Variants in CNTN5 observed in about 807,000 individuals in gnomAD.
CNTN5 encodes contactin 5, also known as contactin-5.
In CNTN5, 77 loss-of-function variants were observed where a neutral mutation model predicts 129.1. The ratio of observed to expected loss-of-function variants is 0.60; its 90% CI spans 0.50 to 0.72. The LOEUF (loss-of-function observed/expected upper bound fraction) is 0.72. Ranked by LOEUF, CNTN5 falls within the 30% of genes least tolerant of loss-of-function variation. The probability of loss-of-function intolerance (pLI) is 0.00; values close to 1 mark genes in which losing one functional copy is unlikely to be tolerated. For missense variants in CNTN5, 1,478 were observed against 1,328.8 expected (o/e 1.11, Z -1.75); for synonymous variants, 509 against 465.6 (o/e 1.09, Z -1.20).
At chr11:100,305,697 C>G (rs1951332790) in intron 20 of CNTN5, among the ~76,000 whole-genome samples, 1 of 151,568 alleles carries the variant, frequency 6.6e-6, no homozygotes, top group Non-Finnish European at 1.5e-5. Context: ...CTACTTGTGT[C>G]TGCAGACCAA....
chr11:99,666,199 C>T (rs1431968297), intron 3 of CNTN5, among the ~76,000 whole-genome samples: 1 of 152,120 alleles, frequency 6.6e-6, no homozygotes, highest in Non-Finnish European at 1.5e-5. Context: ...AACTCCTGAC[C>T]TCAGGTGATC....
chr11:99,614,432 A>C (rs1950694808), intron 3 of CNTN5, among the ~76,000 whole-genome samples: 1 of 152,118 alleles, frequency 6.6e-6, no homozygotes, highest in South Asian at 2.1e-4. Flanking sequence ...GGGAGCCACA[A>C]ATAGCTGACT....
At chr11:99,213,457 CATATATACGTGTGTATATATACACACAT>C (rs1859944143) in intron 1 of CNTN5, among the ~76,000 whole-genome samples, 1 of 138,138 alleles carries the variant, frequency 7.2e-6, no homozygotes, top group Non-Finnish European at 1.5e-5. Context: ...TATGTATATA[CATATATACGTGTGTATATATACACACAT>C]ATATATATAT....
At chr11:99,613,467 A>C (rs1950657107) in intron 3 of CNTN5, among the ~76,000 whole-genome samples, 2 of 152,084 alleles carry the variant, frequency 1.3e-5, no homozygotes, top group Non-Finnish European at 2.9e-5. Context: ...TTTATAAATT[A>C]CCCAGTCTTG....
Position 99,401,434 on chromosome 11 carries a change from T to C in CNTN5, c.-71+75950T>C, listed in dbSNP as rs1604909. Among the ~76,000 whole-genome samples the C allele has an allele frequency of 6.7e-3, 1,018 of 152,314 alleles. 8 individuals carry two copies. The highest frequency in any genetic ancestry group is 0.011 in the Non-Finnish European group (723 of 68,018). On this transcript the variant is annotated intron_variant, in intron 2 of 24. Coordinates refer to ENST00000524871, the MANE Select transcript of CNTN5 (RefSeq NM_014361.4). ...TGGGTTCTCTATTCTGTTCCATTGA[T>C]GTATGTGTCTGTTTTATGCCAGTAC...
intron 1 of CNTN5, among the ~76,000 whole-genome samples, chr11:99,158,398 C>T (rs968174051): frequency 6.6e-6 from 1 of 152,128 alleles, no homozygotes; most frequent in African/African-American, 2.4e-5. Context: ...TTGCTTACCT[C>T]TGTTTTCTGG....
At chr11:99,931,887 A>G (rs540234146) in intron 7 of CNTN5, among the ~76,000 whole-genome samples, 1 of 152,196 alleles carries the variant, frequency 6.6e-6, no homozygotes, top group Non-Finnish European at 1.5e-5. Flanking sequence ...AATTCCAGAG[A>G]GTATCTAAGC....
At chr11:100,049,118 AAAAG>A (rs1417289544) in intron 9 of CNTN5, among the ~76,000 whole-genome samples, 14 of 152,168 alleles carry the variant, frequency 9.2e-5, no homozygotes, top group African/African-American at 3.1e-4. Context: ...ACTCCACAAA[AAAAG>A]AGCAAGAAAT....
intron 2 of CNTN5, among the ~76,000 whole-genome samples, chr11:99,365,409 G>A (rs915088484): frequency 6.6e-5 from 10 of 152,048 alleles, no homozygotes; most frequent in Non-Finnish European, 1.5e-4. Flanking sequence ...CTACATCTAG[G>A]CCTCCTTATT....
chr11:100,140,356 A>G (rs1170356411), intron 13 of CNTN5, among the ~76,000 whole-genome samples: 1 of 152,198 alleles, frequency 6.6e-6, no homozygotes, highest in Non-Finnish European at 1.5e-5. Flanking sequence ...AGTATGATAA[A>G]TGTAAAGAGG....
intron 10 of CNTN5, among the ~76,000 whole-genome samples, chr11:100,067,429 G>C (rs1943739654): frequency 6.6e-6 from 1 of 151,448 alleles, no homozygotes; most frequent in Non-Finnish European, 1.5e-5. Context: ...AACTGCATAT[G>C]GCATCTTAAG....
At chr11:99,598,359 TC>T (rs1950203904) in intron 3 of CNTN5, among the ~76,000 whole-genome samples, 23 of 59,764 alleles carry the variant, frequency 3.8e-4, no homozygotes, top group Admixed American at 1.9e-3. Context: ...TCTCTCTCTC[TC>T]TCTCTCTCTC....
intron 3 of CNTN5, among the ~76,000 whole-genome samples, chr11:99,783,147 A>C (rs1403819801): frequency 1.2e-5 from 1 of 80,036 alleles, no homozygotes; most frequent in African/African-American, 4.7e-5. Context: ...ACCCCATCAA[A>C]AAGTGGGCGA....
At position 99,565,738 on chromosome 11, in the gene CNTN5, G is replaced by A. The variant is rs190247229; in HGVS notation, c.55+9469G>A. ...GTATATACGATTGTGAACCTGATTG[G>A]GTTGTTAGGTAATCATTCTCCCATG... is the stretch of plus-strand genomic sequence containing the variant. On this transcript the variant is annotated intron_variant, in intron 3 of 24. Transcript: ENST00000524871. Among the ~76,000 whole-genome samples the A allele has an allele frequency of 1.1e-3, 168 of 152,186 alleles. 1 individual carries two copies. Among genetic ancestry groups the A allele is most frequent in the Admixed American group, 0.01 (153 of 15,270 alleles).
chr11:99,818,237 G>A (rs568221541), intron 3 of CNTN5, among the ~76,000 whole-genome samples: 1 of 151,532 alleles, frequency 6.6e-6, no homozygotes, highest in South Asian at 2.1e-4. Flanking sequence ...TAAGTTTAAA[G>A]GCCAGATACT....
At chr11:99,365,994 T>C (rs1181650113) in intron 2 of CNTN5, among the ~76,000 whole-genome samples, 1 of 152,004 alleles carries the variant, frequency 6.6e-6, no homozygotes, top group South Asian at 2.1e-4. Flanking sequence ...TACAGAAAGT[T>C]TTAGCAACAG....
chr11:100,243,735 A>G lies in CNTN5; in HGVS notation c.2006-12025A>G, dbSNP rs1463762322. ...AATAAAATTGTGTTTTTCACTTCATATAGATTTTGATTTCTGTTCATCAAT... is the reference window on the plus strand; with the variant it reads ...AATAAAATTGTGTTTTTCACTTCATGTAGATTTTGATTTCTGTTCATCAAT... On this transcript the variant is annotated intron_variant, in intron 16 of 24. Transcript: ENST00000524871. Among the ~76,000 whole-genome samples the G allele has an allele frequency of 9.2e-5, 14 of 152,270 alleles. No individual in the cohort carries two copies. In the East Asian group the frequency reaches 2.7e-3, roughly 29 times the overall value.
intron 13 of CNTN5, among the ~76,000 whole-genome samples, chr11:100,190,658 C>T (rs1445996466): frequency 6.6e-6 from 1 of 151,908 alleles, no homozygotes; most frequent in Non-Finnish European, 1.5e-5. Flanking sequence ...GAATAACTGC[C>T]ATAAATCATC....
chr11:100,246,383 CTT>C (rs148490105), intron 16 of CNTN5, among the ~76,000 whole-genome samples: 18,396 of 152,064 alleles, frequency 0.12, 1,493 homozygotes, highest in South Asian at 0.3. Flanking sequence ...TATTCTGACT[CTT>C]TGTCCAAATC....
Sources: gnomAD v4.1 joint callset for allele counts (sites outside exome capture counted in the v4.1 genomes callset) on GRCh38, gnomAD v4.1.1 for gene constraint, MANE v1.5 for transcripts, NCBI Gene and HGNC (gene_info 2026-07-23, HGNC 2026-07-21) for gene names.